The following NRG3 variants were observed in gnomAD, a reference collection of about 807,000 sequenced individuals.
NRG3 encodes pro-neuregulin-3, membrane-bound isoform.
Under a neutral mutation model 66.9 loss-of-function variants are expected in NRG3, and 31 were observed. The ratio of observed to expected loss-of-function variants is 0.46; its 90% CI spans 0.35 to 0.63. NRG3 has a LOEUF of 0.63. Among genes scored for constraint, NRG3 ranks in the 20% least tolerant of loss-of-function variants. NRG3 has a pLI of 0.00. For synonymous variants in NRG3, 393 were observed against 359.4 expected (o/e 1.09, Z -1.06); for missense variants, 910 against 878.9 (o/e 1.04, Z -0.45).
intron 4 of NRG3, among the ~76,000 whole-genome samples, chr10:82,887,611 C>A (rs1392680600): frequency 1.3e-5 from 2 of 152,170 alleles, no homozygotes; most frequent in Non-Finnish European, 2.9e-5. Context: ...ATAGCTCATT[C>A]TGTGAAGCTA....
intron 1 of NRG3, among the ~76,000 whole-genome samples, chr10:82,165,249 A>C (rs973957742): frequency 1.2e-4 from 18 of 152,186 alleles, no homozygotes; most frequent in African/African-American, 4.1e-4. Flanking sequence ...AATGAGAAGT[A>C]GTACTGGGAG....
chr10:82,229,912 G>C (rs536170070), intron 1 of NRG3, among the ~76,000 whole-genome samples: 1 of 152,142 alleles, frequency 6.6e-6, no homozygotes, highest in East Asian at 1.9e-4. Context: ...AAAAGCATGT[G>C]AACAGTGAAA....
chr10:82,247,613 T>C (rs1260078463), intron 1 of NRG3, among the ~76,000 whole-genome samples: 1 of 152,142 alleles, frequency 6.6e-6, no homozygotes, highest in Non-Finnish European at 1.5e-5. Context: ...CAAAATCTAA[T>C]ACTTGATACA....
At chr10:82,673,813 T>C (rs1489296335) in intron 2 of NRG3, among the ~76,000 whole-genome samples, 2 of 152,158 alleles carry the variant, frequency 1.3e-5, no homozygotes, top group Non-Finnish European at 2.9e-5. Flanking sequence ...GAGAGGCCTA[T>C]GCTAAAAATA....
intron 3 of NRG3, among the ~76,000 whole-genome samples, chr10:82,785,790 T>A (rs2060335328): frequency 6.6e-6 from 1 of 152,082 alleles, no homozygotes; most frequent in South Asian, 2.1e-4. Flanking sequence ...ATGAAAAGAT[T>A]TAGAAAACTC....
intron 1 of NRG3, among the ~76,000 whole-genome samples, chr10:82,349,752 G>A (rs1394814734): frequency 6.6e-6 from 1 of 152,196 alleles, no homozygotes; most frequent in Non-Finnish European, 1.5e-5. Flanking sequence ...GCCAGGTGCG[G>A]GATAGAATCT....
intron 2 of NRG3, among the ~76,000 whole-genome samples, chr10:82,638,582 A>T (rs1590972251): frequency 6.6e-6 from 1 of 152,014 alleles, no homozygotes; most frequent in East Asian, 1.9e-4. Context: ...GCTGTGAATG[A>T]CTTCTTGCCA....
chr10:82,733,899 CAGAGATGGGAATGCTCTGA>C (rs755985307), intron 2 of NRG3, among the ~76,000 whole-genome samples: 1 of 152,182 alleles, frequency 6.6e-6, no homozygotes, highest in Non-Finnish European at 1.5e-5. Flanking sequence ...ATGAGAATTG[CAGAGATGGGAATGCTCTGA>C]AGTTAGCAGT....
chr10:82,606,592 C>G (rs1425388953), intron 2 of NRG3, among the ~76,000 whole-genome samples: 1 of 152,060 alleles, frequency 6.6e-6, no homozygotes, highest in Non-Finnish European at 1.5e-5. Flanking sequence ...AAAACACCAG[C>G]ACAAGGTTAA....
intron 2 of NRG3, among the ~76,000 whole-genome samples, chr10:82,634,590 T>C (rs2050061100): frequency 6.6e-6 from 1 of 152,224 alleles, no homozygotes; most frequent in African/African-American, 2.4e-5. Flanking sequence ...TGCTTTCCTC[T>C]CTAATATGTA....
At chr10:82,597,959 C>G (rs900471859) in intron 2 of NRG3, among the ~76,000 whole-genome samples, 3 of 151,776 alleles carry the variant, frequency 2.0e-5, no homozygotes, top group Non-Finnish European at 4.4e-5. Context: ...AATCTATGAC[C>G]GTGACCTTAC....
At chr10:82,136,870 T>C (rs1448783041) in intron 1 of NRG3, among the ~76,000 whole-genome samples, 2 of 152,160 alleles carry the variant, frequency 1.3e-5, no homozygotes, top group Non-Finnish European at 2.9e-5. Flanking sequence ...ATGCGAAGTC[T>C]CACAATCACT....
At chr10:82,452,925 A>G (rs1433821281) in intron 2 of NRG3, among the ~76,000 whole-genome samples, 1 of 152,130 alleles carries the variant, frequency 6.6e-6, no homozygotes, top group Non-Finnish European at 1.5e-5. Flanking sequence ...TGTGGCCAAC[A>G]GTCAGTCACA....
intron 2 of NRG3, among the ~76,000 whole-genome samples, chr10:82,523,551 C>T (rs549670700): frequency 1.3e-3 from 197 of 151,996 alleles, no homozygotes; most frequent in Non-Finnish European, 2.0e-3. Context: ...ATATCCCTCA[C>T]TCTTTTTTTA....
chr10:82,067,918 G>T (rs1477386171), intron 1 of NRG3, among the ~76,000 whole-genome samples: 3 of 152,134 alleles, frequency 2.0e-5, no homozygotes. Context: ...CAAAAATCAA[G>T]TTTATAATTT....
intron 1 of NRG3, among the ~76,000 whole-genome samples, chr10:82,065,565 T>TA (rs945638264): frequency 1.6e-3 from 240 of 151,690 alleles, no homozygotes; most frequent in African/African-American, 5.5e-3. Context: ...TAGTACATGT[T>TA]AAAAAAAAAT....
intron 1 of NRG3, among the ~76,000 whole-genome samples, chr10:81,959,067 C>G (rs1850105384): frequency 6.6e-6 from 1 of 152,050 alleles, no homozygotes; most frequent in African/African-American, 2.4e-5. Context: ...CCTCCTGTTG[C>G]CTTGTTTGCA....
chr10:82,003,787 G>C (rs2061265684), intron 1 of NRG3, among the ~76,000 whole-genome samples: 1 of 152,090 alleles, frequency 6.6e-6, no homozygotes, highest in South Asian at 2.1e-4. Flanking sequence ...GAGAAGTTTG[G>C]CTAAGGGCAG....
intron 2 of NRG3, among the ~76,000 whole-genome samples, chr10:82,438,126 A>G (rs2090242041): frequency 6.6e-6 from 1 of 152,218 alleles, no homozygotes; most frequent in Non-Finnish European, 1.5e-5. Flanking sequence ...TGGGCTGCCC[A>G]GATTCCTCAG....
Sources: gnomAD v4.1 joint callset for allele counts (sites outside exome capture counted in the v4.1 genomes callset) on GRCh38, gnomAD v4.1.1 for gene constraint, MANE v1.5 for transcripts, NCBI Gene and HGNC (gene_info 2026-07-23, HGNC 2026-07-21) for gene names.